Variants in LRRIQ1 observed in about 807,000 individuals in gnomAD.
LRRIQ1 encodes the protein leucine-rich repeat- and IQ domain-containing protein 1.
A neutral mutation model predicts 211.9 loss-of-function variants in LRRIQ1; 210 were observed. The observed-to-expected ratio is 0.99, with a 90% CI of 0.89 to 1.11. The LOEUF is 1.11. LRRIQ1 is among the 50% of genes most tolerant of loss of function. LRRIQ1 has a pLI of 0.00. For missense variants in LRRIQ1, 2,136 were observed against 1,939.5 expected (o/e 1.10, Z -1.90); for synonymous variants, 699 against 650.1 (o/e 1.08, Z -1.14).
chr12:85,128,053 T>C lies in LRRIQ1; in HGVS notation c.4209+20T>C. On this transcript the variant is annotated intron_variant, in intron 18 of 26. Coordinates refer to ENST00000393217, the MANE Select transcript of LRRIQ1 (RefSeq NM_001079910.2). Reference sequence around the variant, plus strand: ...ATTCAGGTTAATTTCAATCTTTTGGTAACATAGTTACAAAAGATATATTAG... The same window carrying C: ...ATTCAGGTTAATTTCAATCTTTTGGCAACATAGTTACAAAAGATATATTAG... The C allele has an allele frequency of 1.3e-6, 2 of 1,513,296 alleles. No individual in the cohort carries two copies. The highest frequency in any genetic ancestry group is 2.7e-5 in the African/African-American group (2 of 72,848). The allele number at this position is 1,513,296 out of a possible 1,614,324, so 93.7% of individuals were successfully genotyped here. A position where few individuals can be genotyped will look rare whatever the true frequency, so the allele number is the denominator to read the frequency against.
chr12:85,071,106 A>G (rs539034058), intron 10 of LRRIQ1, among the ~76,000 whole-genome samples: 2 of 152,022 alleles, frequency 1.3e-5, no homozygotes, highest in Admixed American at 1.3e-4. Context: ...CAAGATGAAA[A>G]CTACATTAAA....
In LRRIQ1 at chr12:85,261,992, G is replaced by T. The variant is rs1593036837; in HGVS notation, c.122-923G>T. ...TTTGATAGAGACAGGGTTTCGCCAT[G>T]TTGGTCAGGCTGGTCTCGAACTCCT... On this transcript the variant is annotated intron_variant, in intron 1 of 1. Coordinates refer to the LRRIQ1 transcript ENST00000602731. 2.0e-5 allele frequency among the ~76,000 whole-genome samples: 3 copies of T among 151,958 alleles called. No homozygotes were observed. In the South Asian group the frequency reaches 6.2e-4, roughly 31 times the overall value.
intron 24 of LRRIQ1, among the ~76,000 whole-genome samples, chr12:85,184,864 G>A (rs1565889792): frequency 6.6e-6 from 1 of 151,714 alleles, no homozygotes; most frequent in East Asian, 1.9e-4. Context: ...ATAAAGCTAT[G>A]GATTAAAATA....
chr12:85,107,270 T>C (rs1428819325), intron 15 of LRRIQ1, among the ~76,000 whole-genome samples: 1 of 152,134 alleles, frequency 6.6e-6, no homozygotes, highest in African/African-American at 2.4e-5. Flanking sequence ...ATCATTTTTG[T>C]TTATGAATAT....
chr12:85,187,558 G>A lies in LRRIQ1; in HGVS notation c.4822+26844G>A, dbSNP rs1892280634. Among the ~76,000 whole-genome samples, 4 of 152,160 alleles carry A rather than the reference G, an allele frequency of 2.6e-5. No homozygotes were observed. In the South Asian group the frequency reaches 8.3e-4, roughly 32 times the overall value. On this transcript the variant is annotated intron_variant, in intron 24 of 26. Coordinates refer to ENST00000393217, the MANE Select transcript of LRRIQ1 (RefSeq NM_001079910.2). ...GCGGTGGTTCACGCCTGTAATCCCAGCACTTTGGGAGGCCAAGGCAGGTGG... is the reference window on the plus strand; with the variant it reads ...GCGGTGGTTCACGCCTGTAATCCCAACACTTTGGGAGGCCAAGGCAGGTGG...
intron 26 of LRRIQ1, chr12:85,233,145 A>G (rs1895025666): frequency 4.4e-6 from 1 of 226,108 alleles, no homozygotes; most frequent in African/African-American, 2.4e-5. Context: ...AAATTAACAA[A>G]TAATTGTGAG....
intron 24 of LRRIQ1, among the ~76,000 whole-genome samples, chr12:85,221,818 G>A (rs1049773925): frequency 6.6e-5 from 10 of 152,218 alleles, no homozygotes; most frequent in Admixed American, 1.3e-4. Flanking sequence ...TCTAAAGGCA[G>A]TGGAGAACCA....
At chr12:85,145,081 C>A (rs1161525814) in intron 19 of LRRIQ1, among the ~76,000 whole-genome samples, 2 of 151,386 alleles carry the variant, frequency 1.3e-5, no homozygotes, top group African/African-American at 4.8e-5. Flanking sequence ...ATTTTTAAGA[C>A]ATATCCTTAT....
rs746176155 is a variant in LRRIQ1 at position 85,153,995 on chromosome 12, A to T, written c.4638-17A>T. 21 of 1,495,950 alleles carry T rather than the reference A, an allele frequency of 1.4e-5. No individual in the cohort carries two copies. The highest frequency in any genetic ancestry group is 1.8e-5 in the Non-Finnish European group (20 of 1,111,170). 92.7% of individuals were successfully genotyped at this position (1,495,950 alleles called of 1,614,324 possible). A position where few individuals can be genotyped will look rare whatever the true frequency, so the allele number is the denominator to read the frequency against. On this transcript the variant is annotated splice_polypyrimidine_tract_variant and intron_variant, in intron 22 of 26. Transcript: ENST00000393217. ...CGGGTATTTGTTTTACCTTTATTATATTTAATCTTTTAATAGGGGCTTTAA... is the reference window on the plus strand; with the variant it reads ...CGGGTATTTGTTTTACCTTTATTATTTTTAATCTTTTAATAGGGGCTTTAA...
chr12:85,140,351 C>A (rs1889447572), intron 19 of LRRIQ1, among the ~76,000 whole-genome samples: 1 of 150,676 alleles, frequency 6.6e-6, no homozygotes, highest in African/African-American at 2.4e-5. Context: ...AGCAAGAAAC[C>A]ATGGAGATTT....
At chr12:85,212,275 A>G (rs990851338) in intron 24 of LRRIQ1, among the ~76,000 whole-genome samples, 6 of 152,106 alleles carry the variant, frequency 3.9e-5, no homozygotes, top group African/African-American at 1.4e-4. Context: ...CAACCAAGGT[A>G]AGACCCTGTC....
intron 24 of LRRIQ1, among the ~76,000 whole-genome samples, chr12:85,185,249 A>T (rs2708499): frequency 0.35 from 52,833 of 151,676 alleles, 12,641 homozygotes; most frequent in African/African-American, 0.69. Context: ...CCAATTCCAC[A>T]CTTACAATTT....
At chr12:85,064,314 T>C (rs1882189950) in intron 8 of LRRIQ1, among the ~76,000 whole-genome samples, 1 of 151,924 alleles carries the variant, frequency 6.6e-6, no homozygotes, top group African/African-American at 2.4e-5. Flanking sequence ...TTGCCATTTA[T>C]ATATTTTCTT....
chr12:85,181,751 T>C (rs1371585363), intron 24 of LRRIQ1, among the ~76,000 whole-genome samples: 2 of 151,984 alleles, frequency 1.3e-5, no homozygotes, highest in East Asian at 3.8e-4. Flanking sequence ...TCCTATCTCA[T>C]TGTGAGGAAT....
chr12:85,090,914 G>A (rs952650593), intron 11 of LRRIQ1, among the ~76,000 whole-genome samples: 11 of 152,122 alleles, frequency 7.2e-5, no homozygotes, highest in Non-Finnish European at 1.5e-4. Flanking sequence ...GTTCCTGCCC[G>A]AGTCTCATGT....
intron 26 of LRRIQ1, among the ~76,000 whole-genome samples, chr12:85,237,838 C>A (rs1489373916): frequency 1.3e-5 from 2 of 151,988 alleles, no homozygotes; most frequent in Non-Finnish European, 1.5e-5. Flanking sequence ...TTAAAGGATG[C>A]TAACAAAATC....
chr12:85,056,944 A>G lies in LRRIQ1; in HGVS notation c.2151A>G (p.Glu717=), dbSNP rs1404715514. 6.2e-7 allele frequency: 1 copy of G among 1,612,938 alleles called. No homozygotes were observed. The highest frequency in any genetic ancestry group is 8.5e-7 in the Non-Finnish European group (1 of 1,179,422). The change falls in exon 8 of 27, where the codon GAA becomes GAG. Residue 717 remains glutamate, a synonymous_variant. Transcript: ENST00000393217. ...EIRNISEKCH[E]NAPEPDSMTC... ...GAAATATTTCAGAAAAATGCCATGAAAATGCACCTGAACCTGATAGCATGA... is the reference window on the plus strand; with the variant it reads ...GAAATATTTCAGAAAAATGCCATGAGAATGCACCTGAACCTGATAGCATGA...
intron 1 of LRRIQ1, among the ~76,000 whole-genome samples, chr12:85,257,549 C>G (rs752396298): frequency 6.6e-6 from 1 of 151,498 alleles, no homozygotes; most frequent in South Asian, 2.1e-4. Context: ...TTGGATTACA[C>G]TTTTGATTAT....
At chr12:85,244,474 A>G (rs1482792178) in intron 26 of LRRIQ1, among the ~76,000 whole-genome samples, 2 of 151,714 alleles carry the variant, frequency 1.3e-5, no homozygotes, top group Non-Finnish European at 3.0e-5. Context: ...CTTGGCAAAT[A>G]AATAATGTTA....
Sources: allele counts gnomAD v4.1 joint callset (sites outside exome capture counted in the v4.1 genomes callset), GRCh38; gene constraint gnomAD v4.1.1; transcripts MANE v1.5; gene names NCBI Gene and HGNC (gene_info 2026-07-23, HGNC 2026-07-21).